Variants in NMNAT3 observed in about 807,000 individuals in gnomAD.
NMNAT3 encodes the protein nicotinamide/nicotinic acid mononucleotide adenylyltransferase 3.
A neutral mutation model predicts 24.8 loss-of-function variants in NMNAT3; 21 were observed. The ratio of observed to expected loss-of-function variants is 0.85; its 90% CI spans 0.60 to 1.22. The LOEUF is 1.22. Ranked by LOEUF, NMNAT3 falls within the 50% of genes most tolerant of loss-of-function variation. The probability of loss-of-function intolerance (pLI) is 0.00; values close to 1 mark genes in which losing one functional copy is unlikely to be tolerated. For missense variants in NMNAT3, 387 were observed against 436.6 expected, an observed-to-expected ratio of 0.89 and a Z score of 1.01; for synonymous variants, 136 against 155.2, an observed-to-expected ratio of 0.88 and a Z score of 0.92.
chr3:139,640,974 C>A (rs115907954), intron 1 of NMNAT3, among the ~76,000 whole-genome samples: 1 of 152,234 alleles, frequency 6.6e-6, no homozygotes, highest in Non-Finnish European at 1.5e-5. Context: ...TATGCATAAT[C>A]GCTATTGTGT....
intron 1 of NMNAT3, among the ~76,000 whole-genome samples, 158 bp downstream of exon 1, chr3:139,677,547 C>G (rs73869371): frequency 0.017 from 2,533 of 152,304 alleles, 64 homozygotes; most frequent in African/African-American, 0.057. Context: ...GCTGTCCCCC[C>G]GGTTCGCGCC....
intron 3 of NMNAT3, among the ~76,000 whole-genome samples, chr3:139,606,144 A>G (rs1035668790): frequency 6.6e-6 from 1 of 152,190 alleles, no homozygotes. Flanking sequence ...CATTAATTCA[A>G]CACTGATCTA....
intron 3 of NMNAT3, among the ~76,000 whole-genome samples, chr3:139,619,704 G>A (rs977804348): frequency 6.6e-6 from 1 of 152,196 alleles, no homozygotes; most frequent in African/African-American, 2.4e-5. Context: ...TTTCTGACAA[G>A]TGAAGGTTGG....
chr3:139,596,980 A>C (rs972683871), intron 3 of NMNAT3, among the ~76,000 whole-genome samples: 42 of 134,274 alleles, frequency 3.1e-4, no homozygotes, highest in Non-Finnish European at 5.0e-4. Flanking sequence ...ATTACATTGC[A>C]TTACAACCAT....
At chr3:139,641,240 C>T (rs1045199166) in intron 1 of NMNAT3, among the ~76,000 whole-genome samples, 9 of 152,218 alleles carry the variant, frequency 5.9e-5, no homozygotes, top group Non-Finnish European at 1.0e-4. Flanking sequence ...CTCCCTCCCA[C>T]AAAATGAGGA....
chr3:139,582,639 CA>C (rs58495559), intron 4 of NMNAT3, among the ~76,000 whole-genome samples: 1,310 of 57,364 alleles, frequency 0.023, 5 homozygotes, highest in African/African-American at 0.091. Context: ...GGGACTGTCT[CA>C]AAAAAAAAAA....
chr3:139,561,484 T>TA (rs1179056819), intron 6 of NMNAT3, 92 bp from the exon 7 acceptor site: 3 of 1,223,386 alleles, frequency 2.5e-6, no homozygotes, highest in Non-Finnish European at 3.3e-6. Flanking sequence ...ATGCTTTTCT[T>TA]GGATGTATCG....
chr3:139,638,889 C>T (rs1392716879), intron 1 of NMNAT3, among the ~76,000 whole-genome samples: 1 of 152,138 alleles, frequency 6.6e-6, no homozygotes, highest in Non-Finnish European at 1.5e-5. Context: ...ACCTTTTCTC[C>T]CAAGCCTTGC....
At chr3:139,675,135 T>TACACACACACAAACACACACACAC (rs1553766837) in intron 1 of NMNAT3, among the ~76,000 whole-genome samples, 1 of 148,228 alleles carries the variant, frequency 6.7e-6, no homozygotes, top group Non-Finnish European at 1.5e-5. Context: ...CTTTTAAACA[T>TACACACACACAAACACACACACAC]ACACACACAC....
chr3:139,675,135 T>TACACACACACACACACACACAC (rs148834873), intron 1 of NMNAT3, among the ~76,000 whole-genome samples: 19 of 148,344 alleles, frequency 1.3e-4, no homozygotes, highest in South Asian at 2.2e-4. Flanking sequence ...CTTTTAAACA[T>TACACACACACACACACACACAC]ACACACACAC....
chr3:139,672,768 A>G (rs921416361), intron 1 of NMNAT3: 4 of 152,242 alleles, frequency 2.6e-5, no homozygotes, highest in African/African-American at 9.7e-5. Flanking sequence ...TAACTCTCTA[A>G]TAATATTCAA....
chr3:139,608,893 CTG>C (rs2055064397), intron 3 of NMNAT3, among the ~76,000 whole-genome samples: 1 of 152,194 alleles, frequency 6.6e-6, no homozygotes, highest in African/African-American at 2.4e-5. Flanking sequence ...CACTTCTCTC[CTG>C]TCTCCCAAAC....
At chr3:139,590,972 T>C (rs997633560) in intron 3 of NMNAT3, among the ~76,000 whole-genome samples, 1 of 152,190 alleles carries the variant, frequency 6.6e-6, no homozygotes, top group African/African-American at 2.4e-5. Flanking sequence ...GGAGCCAAGA[T>C]GGCCGAATAG....
chr3:139,578,781 G>T, intron 5 of NMNAT3, 91 bp downstream of exon 5: 1 of 1,185,272 alleles, frequency 8.4e-7, no homozygotes, highest in Non-Finnish European at 1.2e-6. Flanking sequence ...CAGAAACCCA[G>T]CCCCACAATC....
intron 1 of NMNAT3, among the ~76,000 whole-genome samples, chr3:139,655,655 G>T (rs1449264669): frequency 6.6e-6 from 1 of 152,148 alleles, no homozygotes; most frequent in Non-Finnish European, 1.5e-5. Flanking sequence ...AATTACTAAA[G>T]TGCCCGAGCC....
chr3:139,568,990 G>A (rs1311363390), intron 6 of NMNAT3: 1 of 152,156 alleles, frequency 6.6e-6, no homozygotes, highest in Non-Finnish European at 1.5e-5. Context: ...TCTCTTTGTA[G>A]GTCACTAAGG....
At chr3:139,641,416 C>T (rs1007494422) in intron 1 of NMNAT3, among the ~76,000 whole-genome samples, 1 of 152,176 alleles carries the variant, frequency 6.6e-6, no homozygotes, top group South Asian at 2.1e-4. Context: ...GTGCATGCCA[C>T]AAGCACAGCA....
intron 6 of NMNAT3, chr3:139,566,663 A>G (rs1358386146): frequency 6.6e-6 from 1 of 152,206 alleles, no homozygotes; most frequent in Non-Finnish European, 1.5e-5. Context: ...GTCAAAGATC[A>G]GATAGTTGTA....
chr3:139,671,666 C>T (rs974618996), intron 1 of NMNAT3, among the ~76,000 whole-genome samples: 3 of 151,988 alleles, frequency 2.0e-5, no homozygotes, highest in African/African-American at 7.3e-5. Flanking sequence ...TCAACGGCAC[C>T]ATATAAGTTA....
Sources: gnomAD v4.1 joint callset for allele counts (sites outside exome capture counted in the v4.1 genomes callset) on GRCh38, gnomAD v4.1.1 for gene constraint, MANE v1.5 for transcripts, NCBI Gene and HGNC (gene_info 2026-07-23, HGNC 2026-07-21) for gene names.